Variants in CRBN observed in about 807,000 individuals in gnomAD.
CRBN encodes the protein protein cereblon.
CRBN carries 53 observed loss-of-function variants against 62.2 expected under a neutral mutation model. The observed-to-expected ratio is 0.85, with a 90% CI of 0.68 to 1.07. CRBN has a LOEUF of 1.07. Ranked by LOEUF, CRBN falls within the 50% of genes least tolerant of loss-of-function variation. CRBN has a pLI of 0.00. For missense variants in CRBN, 616 were observed against 531.1 expected, an observed-to-expected ratio of 1.16 and a Z score of -1.57; for synonymous variants, 208 against 176.1, an observed-to-expected ratio of 1.18 and a Z score of -1.43.
intron 6 of CRBN, chr3:3,155,820 C>T (rs1672768): frequency 0.91 from 144,045 of 158,052 alleles, 67,032 homozygotes; most frequent in East Asian, 1. Context: ...CTTTTTTTTT[C>T]CCTTTTGAGA....
At chr3:3,163,357 CAA>C (rs571322245) in intron 5 of CRBN, among the ~76,000 whole-genome samples, 97 of 152,262 alleles carry the variant, frequency 6.4e-4, no homozygotes, top group Admixed American at 1.0e-3. Flanking sequence ...CTAATTAAGA[CAA>C]GAGGAAAAAT....
chr3:3,169,820 C>G (rs189038020), intron 4 of CRBN, among the ~76,000 whole-genome samples: 1 of 152,178 alleles, frequency 6.6e-6, no homozygotes, highest in Non-Finnish European at 1.5e-5. Context: ...AATAGGATAT[C>G]AATCCCCTCC....
intron 4 of CRBN, among the ~76,000 whole-genome samples, chr3:3,168,380 A>AT (rs944840249): frequency 1.2e-4 from 18 of 152,140 alleles, no homozygotes; most frequent in Admixed American, 9.8e-4. Flanking sequence ...TATAAATTAG[A>AT]TTTTTTCTTA....
intron 1 of CRBN, among the ~76,000 whole-genome samples, chr3:3,179,069 T>A (rs1304811505): frequency 4.0e-5 from 6 of 151,836 alleles, no homozygotes; most frequent in Non-Finnish European, 7.4e-5. Flanking sequence ...CACACCCGGG[T>A]TGGAATCCTG....
chr3:3,163,245 G>A (rs1040485280), intron 5 of CRBN, among the ~76,000 whole-genome samples: 5 of 152,206 alleles, frequency 3.3e-5, no homozygotes, highest in Admixed American at 1.3e-4. Context: ...TGACGTATAT[G>A]GGATGGAGTT....
At position 3,172,787 on chromosome 3, in the gene CRBN, T is replaced by C. The variant is rs767623998; in HGVS notation, c.516A>G (p.Thr172=). Residue 172 remains threonine, a synonymous_variant, in exon 4 of 11, where the codon ACA becomes ACG. Transcript: ENST00000231948. The stretch of plus-strand genomic sequence containing the variant: ...ATGTTATTTCTTACCCATCTGACTG[T>C]GTTCTTAGCTCAAGGACTTTGAACC... The part of the protein sequence containing the change: ...RQRFKVLELR[T]QSDGIQQAKV... The C allele has an allele frequency of 6.8e-6, 11 of 1,613,818 alleles. No homozygotes were observed. Among genetic ancestry groups the C allele is most frequent in the Non-Finnish European group, 8.5e-6 (10 of 1,179,816 alleles).
chr3:3,175,292 G>GAA, intron 1 of CRBN, 23 bp from the exon 2 acceptor site: 135 of 1,169,090 alleles, frequency 1.2e-4, no homozygotes, highest in Non-Finnish European at 1.5e-4. Context: ...AATATTGTAA[G>GAA]AAAAAAAAAA....
Position 3,150,532 on chromosome 3 carries a change from T to A in CRBN, c.*333A>T, listed in dbSNP as rs63413460. Reference sequence around the variant, plus strand: ...AGGAATTTAAGATTTTTTTTTTTTTTAACACAGGAAATAATCTCATCATTT... The same window carrying A: ...AGGAATTTAAGATTTTTTTTTTTTTAAACACAGGAAATAATCTCATCATTT... On this transcript the variant is annotated 3_prime_UTR_variant, in exon 11 of 11. Coordinates refer to ENST00000231948, the MANE Select transcript of CRBN (RefSeq NM_016302.4). The A allele has an allele frequency of 4.9e-5, 10 of 203,394 alleles. No homozygotes were observed. Among genetic ancestry groups the A allele is most frequent in the East Asian group, 1.4e-4 (1 of 7,088 alleles). The allele number at this position is 203,394 out of a possible 1,614,324, so 12.6% of individuals were successfully genotyped here.
At chr3:3,172,573 T>C (rs974572443) in intron 4 of CRBN, 2 of 596,610 alleles carry the variant, frequency 3.4e-6, no homozygotes, top group Non-Finnish European at 5.9e-6. Flanking sequence ...AGGTTGGAAC[T>C]CAAGCTTCTA....
chr3:3,152,303 C>A (rs969737931), intron 10 of CRBN, among the ~76,000 whole-genome samples, 153 bp downstream of exon 10: 5 of 151,890 alleles, frequency 3.3e-5, no homozygotes, highest in African/African-American at 1.2e-4. Context: ...CAGACCCCTG[C>A]CCCCATACCC....
At chr3:3,149,696 T>C (rs1408151134), downstream of CRBN, 1 of 152,096 alleles carries the variant, frequency 6.6e-6, no homozygotes, top group Non-Finnish European at 1.5e-5. Flanking sequence ...GGCAGGGGCA[T>C]ATCCTGATTG....
intron 4 of CRBN, among the ~76,000 whole-genome samples, 172 bp from the exon 5 acceptor site, chr3:3,167,965 T>C (rs1575094925): frequency 6.6e-6 from 1 of 152,136 alleles, no homozygotes; most frequent in Non-Finnish European, 1.5e-5. Flanking sequence ...AATAATTTTA[T>C]TTCATAAATC....
At chr3:3,177,420 A>C (rs1707870530) in intron 1 of CRBN, among the ~76,000 whole-genome samples, 2 of 152,350 alleles carry the variant, frequency 1.3e-5, no homozygotes, top group Admixed American at 1.3e-4. Context: ...CAAAAACAGA[A>C]TTACTTCAAC....
intron 1 of CRBN, among the ~76,000 whole-genome samples, chr3:3,176,982 A>C (rs918247455): frequency 4.6e-5 from 7 of 152,208 alleles, no homozygotes; most frequent in African/African-American, 1.4e-4. Context: ...AGTGACTCTC[A>C]ACCACAGGTG....
chr3:3,170,852 C>A (rs762474794), intron 4 of CRBN, among the ~76,000 whole-genome samples: 11 of 152,162 alleles, frequency 7.2e-5, no homozygotes, highest in Middle Eastern at 3.2e-3. Flanking sequence ...GTTGCCCAGG[C>A]TGGAGTGCAG....
At chr3:3,177,983 C>G (rs1191222360) in intron 1 of CRBN, among the ~76,000 whole-genome samples, 1 of 150,906 alleles carries the variant, frequency 6.6e-6, no homozygotes, top group Non-Finnish European at 1.5e-5. Flanking sequence ...TCTCCCGACG[C>G]TTTTCTGAAA....
chr3:3,162,468 T>A (rs772018568), intron 5 of CRBN, among the ~76,000 whole-genome samples: 1 of 152,148 alleles, frequency 6.6e-6, no homozygotes, highest in Admixed American at 6.5e-5. Context: ...TGGAGTGGGT[T>A]TTGAAAGTGT....
At chr3:3,161,564 T>A (rs1322666184) in intron 5 of CRBN, among the ~76,000 whole-genome samples, 1 of 152,182 alleles carries the variant, frequency 6.6e-6, no homozygotes, top group East Asian at 1.9e-4. Context: ...AATTTTTGTA[T>A]ATTTAGTAGA....
At chr3:3,151,793 G>C (rs1282221865) in intron 10 of CRBN, among the ~76,000 whole-genome samples, 2 of 149,626 alleles carry the variant, frequency 1.3e-5, no homozygotes, top group South Asian at 2.1e-4. Flanking sequence ...GAACTGAACA[G>C]GTTCCCAGGA....
Sources: allele counts gnomAD v4.1 joint callset (sites outside exome capture counted in the v4.1 genomes callset), GRCh38; gene constraint gnomAD v4.1.1; transcripts MANE v1.5; gene names NCBI Gene and HGNC (gene_info 2026-07-23, HGNC 2026-07-21).